KLHDC4: variants seen among roughly 807,000 people sequenced by gnomAD.
KLHDC4 encodes the protein kelch domain-containing protein 4.
In KLHDC4, 90 loss-of-function variants were observed where a neutral mutation model predicts 62.4. The ratio of observed to expected loss-of-function variants is 1.44; its 90% CI spans 1.22 to 1.72. The LOEUF (loss-of-function observed/expected upper bound fraction) is 1.72. KLHDC4 is among the 40% of genes most tolerant of loss of function. The probability of loss-of-function intolerance (pLI) is 0.00; values close to 1 mark genes in which losing one functional copy is unlikely to be tolerated. For missense variants in KLHDC4, 1,025 were observed against 699.7 expected (o/e 1.47, Z -5.25); for synonymous variants, 386 against 284.4 (o/e 1.36, Z -3.59).
At chr16:87,763,823 C>T (rs555433639) in intron 1 of KLHDC4, among the ~76,000 whole-genome samples, 49 of 152,226 alleles carry the variant, frequency 3.2e-4, no homozygotes, top group Admixed American at 1.7e-3. Context: ...GTCTGGGTGA[C>T]GCCAGTGGCC....
At chr16:87,748,122 G>A (rs1567793450) in intron 5 of KLHDC4, among the ~76,000 whole-genome samples, 2 of 152,302 alleles carry the variant, frequency 1.3e-5, no homozygotes, top group South Asian at 2.1e-4. Flanking sequence ...TGTAGCTCTT[G>A]ACTAATGGGA....
intron 5 of KLHDC4, among the ~76,000 whole-genome samples, chr16:87,747,011 T>G (rs2043137415): frequency 6.6e-6 from 1 of 152,224 alleles, no homozygotes; most frequent in Admixed American, 6.5e-5. Context: ...CATCCGCAGC[T>G]GCCGGCCCAA....
At chr16:87,708,126 G>A (rs2035010026) in intron 11 of KLHDC4, 51 bp from the exon 12 acceptor site, 1 of 666,698 alleles carries the variant, frequency 1.5e-6, no homozygotes, top group Non-Finnish European at 2.8e-6. Flanking sequence ...AGCCGAGGGG[G>A]AGGCCCGTGC....
At chr16:87,723,332 C>T (rs28520522) in intron 7 of KLHDC4, among the ~76,000 whole-genome samples, 3 of 152,228 alleles carry the variant, frequency 2.0e-5, no homozygotes, top group Non-Finnish European at 4.4e-5. Flanking sequence ...AGCTACTGAA[C>T]TAAGTGGATT....
At chr16:87,757,489 A>T (rs2045161139) in intron 2 of KLHDC4, 1 of 151,608 alleles carries the variant, frequency 6.6e-6, no homozygotes, top group South Asian at 2.1e-4. Context: ...AAAAGTCCAT[A>T]TGTAAGTACT....
intron 5 of KLHDC4, chr16:87,739,747 C>A (rs563494900): frequency 6.6e-6 from 1 of 152,468 alleles, no homozygotes; most frequent in African/African-American, 2.4e-5. Context: ...AAGAAGAGCC[C>A]GTCACAGAGG....
chr16:87,741,267 C>G (rs1039474181), intron 5 of KLHDC4, among the ~76,000 whole-genome samples: 1 of 152,192 alleles, frequency 6.6e-6, no homozygotes, highest in African/African-American at 2.4e-5. Context: ...GGCAGCCAGC[C>G]AGCGCTGGCC....
chr16:87,731,577 G>A (rs139245280), intron 5 of KLHDC4, among the ~76,000 whole-genome samples: 106 of 152,002 alleles, frequency 7.0e-4, no homozygotes, highest in African/African-American at 2.4e-3. Context: ...CTGGGCACCC[G>A]AGATCAAGAC....
In KLHDC4 at chr16:87,716,759, A is replaced by T. The variant is rs1299211318; in HGVS notation, c.760-2186T>A. 7.9e-5 allele frequency among the ~76,000 whole-genome samples: 12 copies of T among 152,152 alleles called. No individual in the cohort carries two copies. The South Asian group carries it at 2.5e-3, about 32-fold the overall frequency. ...ATCCTGGCTAACACGATGAAACCCC[A>T]TCTCTACGAAAAATACAAAAAAATT... On this transcript the variant is annotated intron_variant, in intron 7 of 11. Coordinates refer to ENST00000270583, the MANE Select transcript of KLHDC4 (RefSeq NM_017566.4).
chr16:87,765,657 T>C, intron 1 of KLHDC4, 135 bp downstream of exon 1: 1 of 812,600 alleles, frequency 1.2e-6, no homozygotes, highest in Non-Finnish European at 1.9e-6. Flanking sequence ...GCCGGGGCAG[T>C]TCCTACGGCC....
chr16:87,762,294 G>A (rs1435566317), intron 1 of KLHDC4: 1 of 551,258 alleles, frequency 1.8e-6, no homozygotes, highest in East Asian at 4.2e-5. Context: ...CGCTCCCTCT[G>A]CAAGACCTTC....
At chr16:87,746,278 G>A (rs564174074) in intron 5 of KLHDC4, among the ~76,000 whole-genome samples, 86 of 149,718 alleles carry the variant, frequency 5.7e-4, no homozygotes, top group African/African-American at 2.1e-3. Flanking sequence ...TCTTGAAGAA[G>A]GAAGAAAGAA....
intron 2 of KLHDC4, among the ~76,000 whole-genome samples, chr16:87,761,668 G>T (rs1332526292): frequency 6.6e-6 from 1 of 152,130 alleles, no homozygotes; most frequent in African/African-American, 2.4e-5. Context: ...GCTCACTGGG[G>T]CAAAACTTTC....
intron 10 of KLHDC4, 30 bp downstream of exon 10, chr16:87,709,235 G>A: frequency 6.3e-7 from 1 of 1,591,530 alleles, no homozygotes; most frequent in Non-Finnish European, 8.6e-7. Context: ...CTCGCTCCCG[G>A]GCACGGAGGC....
At chr16:87,711,487 G>A (rs2035821054) in intron 8 of KLHDC4, 44 bp from the exon 9 acceptor site, 1 of 1,536,628 alleles carries the variant, frequency 6.5e-7, no homozygotes, top group Admixed American at 1.8e-5. Context: ...CACAAGGAAG[G>A]ACCCTGAGAG....
At position 87,708,444 on chromosome 16, in the gene KLHDC4, C is replaced by A; in HGVS notation, c.1470G>T (p.Glu490Asp). The stretch of plus-strand genomic sequence containing the variant: ...CCTCACTGTCCTCTTCCGAGTCCGT[C>A]TCCTCCAGCCACTCCTGAGTTTCTT... ...MDPETQEWLE[E>D]TDSEEDSEEV... The change falls in exon 11 of 12, where the codon GAG becomes GAT. Residue 490 changes from glutamate (E) to aspartate (D), a missense_variant. Coordinates refer to ENST00000270583, the MANE Select transcript of KLHDC4 (RefSeq NM_017566.4). 6.2e-7 allele frequency: 1 copy of A among 1,608,572 alleles called. No individual in the cohort carries two copies. The highest frequency in any genetic ancestry group is 8.5e-7 in the Non-Finnish European group (1 of 1,177,746).
chr16:87,745,641 G>A (rs570770611), intron 5 of KLHDC4, among the ~76,000 whole-genome samples: 5 of 152,344 alleles, frequency 3.3e-5, no homozygotes, highest in South Asian at 4.1e-4. Context: ...AACTGTCACC[G>A]CAAGAGAAGC....
intron 4 of KLHDC4, among the ~76,000 whole-genome samples, chr16:87,751,972 A>G (rs540375304): frequency 6.6e-6 from 1 of 150,530 alleles, no homozygotes; most frequent in South Asian, 2.1e-4. Context: ...CTACTCAGGA[A>G]GCTGAGGCAG....
At chr16:87,747,168 CCA>C (rs1300818115) in intron 5 of KLHDC4, among the ~76,000 whole-genome samples, 46 of 152,308 alleles carry the variant, frequency 3.0e-4, no homozygotes, top group African/African-American at 1.1e-3. Flanking sequence ...CTCAGAGTCA[CCA>C]CAGAGTCACC....
Sources: allele counts gnomAD v4.1 joint callset (sites outside exome capture counted in the v4.1 genomes callset), GRCh38; gene constraint gnomAD v4.1.1; transcripts MANE v1.5; gene names NCBI Gene and HGNC (gene_info 2026-07-23, HGNC 2026-07-21).